Variants in TENM1 observed in about 807,000 individuals in gnomAD.
The protein encoded by TENM1 is teneurin-1.
Under a neutral mutation model 174.8 loss-of-function variants are expected in TENM1, and 35 were observed. That is an observed-to-expected ratio of 0.20 (90% CI 0.15 to 0.27). TENM1 has a LOEUF of 0.27. TENM1 is among the 10% of genes least tolerant of loss of function. The pLI, the probability that TENM1 is intolerant of heterozygous loss-of-function variation, is 1.00. For synonymous variants in TENM1, 781 were observed against 798.7 expected (o/e 0.98, Z 0.37); for missense variants, 1,633 against 2,130.1 (o/e 0.77, Z 4.59).
the TENM1 span, among the ~76,000 whole-genome samples, chrX:124,981,249 C>T: frequency 9.0e-6 from 1 of 111,567 alleles, no homozygotes; most frequent in Non-Finnish European, 1.9e-5. Flanking sequence ...GCAAAAACCC[C>T]GGTTTTATTA....
intron 24 of TENM1, 122 bp downstream of exon 27, chrX:124,422,150 C>T: frequency 1.1e-6 from 1 of 911,992 alleles, no homozygotes; most frequent in Non-Finnish European, 1.5e-6. Context: ...GCTTTCTCCA[C>T]TAGCTCATAC....
the TENM1 span, among the ~76,000 whole-genome samples, chrX:125,093,190 G>T: frequency 8.9e-6 from 1 of 111,877 alleles, no homozygotes; most frequent in Admixed American, 9.5e-5. Context: ...TTAGCTCAGT[G>T]GACCTAGCAC....
intron 23 of TENM1, among the ~76,000 whole-genome samples, chrX:124,444,191 C>A (rs2060940967): frequency 9.0e-6 from 1 of 111,358 alleles, no homozygotes; most frequent in South Asian, 3.7e-4. Context: ...ATAGGCGACA[C>A]AAGGCTGGGA....
At chrX:124,538,569 A>G (rs1183447533) in intron 15 of TENM1, among the ~76,000 whole-genome samples, 2 of 111,659 alleles carry the variant, frequency 1.8e-5, no homozygotes, top group African/African-American at 3.3e-5. Flanking sequence ...ATCAACCCCT[A>G]GTTGTGTACT....
At chrX:125,160,362 G>GA in the TENM1 span, among the ~76,000 whole-genome samples, 2,810 of 85,007 alleles carry the variant, frequency 0.033, 52 homozygotes, top group Middle Eastern at 0.072. Context: ...CATCTCTACT[G>GA]AAAAAAAAAA....
intron 25 of TENM1, among the ~76,000 whole-genome samples, chrX:124,411,052 C>T (rs2060525922): frequency 8.9e-6 from 1 of 112,166 alleles, no homozygotes; most frequent in Admixed American, 9.4e-5. Context: ...GTCAAAATTC[C>T]CAATGAACCT....
the TENM1 span, among the ~76,000 whole-genome samples, chrX:125,153,210 A>G: frequency 8.9e-6 from 1 of 111,920 alleles, no homozygotes; most frequent in East Asian, 2.8e-4. Context: ...ATTCAAAAGC[A>G]ATTTCCAAAA....
the TENM1 span, among the ~76,000 whole-genome samples, chrX:125,063,508 A>G: frequency 1.8e-5 from 2 of 112,104 alleles, no homozygotes; most frequent in Non-Finnish European, 3.8e-5. Context: ...AAGCATATGA[A>G]CAGACACTTC....
intron 27 of TENM1, among the ~76,000 whole-genome samples, chrX:124,397,140 C>T (rs1285526225): frequency 9.0e-6 from 1 of 111,017 alleles, no homozygotes; most frequent in Non-Finnish European, 1.9e-5. Context: ...GTGTTGCTGG[C>T]AGAAATGAAA....
At chrX:124,744,424 G>A (rs914387440) in intron 3 of TENM1, among the ~76,000 whole-genome samples, 1 of 111,778 alleles carries the variant, frequency 8.9e-6, no homozygotes, top group Non-Finnish European at 1.9e-5. Flanking sequence ...ATATTTAAAC[G>A]TTAGTATACG....
At chrX:124,784,138 C>T (rs147228918) in intron 3 of TENM1, among the ~76,000 whole-genome samples, 1 of 112,196 alleles carries the variant, frequency 8.9e-6, no homozygotes. Context: ...ATAACAATCA[C>T]AATGTCCAAA....
the TENM1 span, among the ~76,000 whole-genome samples, chrX:125,178,567 AG>A: frequency 2.4e-3 from 265 of 111,630 alleles, 1 homozygote; most frequent in Non-Finnish European, 3.5e-3. Flanking sequence ...AAGAAGAAAA[AG>A]GTCAATCTGT....
At chrX:124,382,713 A>C in exon 31 of TENM1, 1 of 1,208,324 alleles carries the variant, frequency 8.3e-7, no homozygotes, top group Non-Finnish European at 1.1e-6. Context: ...AAGCCGTAGA[A>C]GCTCGTAAGT....
At chrX:124,633,364 G>A (rs2050804704) in intron 11 of TENM1, among the ~76,000 whole-genome samples, 1 of 111,404 alleles carries the variant, frequency 9.0e-6, no homozygotes, top group Non-Finnish European at 1.9e-5. Context: ...TAGTTTTAAA[G>A]CTTTAATGGT....
chrX:125,024,459 G>A, the TENM1 span, among the ~76,000 whole-genome samples: 1 of 110,482 alleles, frequency 9.1e-6, no homozygotes, highest in Admixed American at 9.7e-5. Flanking sequence ...CAACATGGAC[G>A]GAACTGGATG....
At chrX:124,777,582 A>C (rs1225381268) in intron 3 of TENM1, among the ~76,000 whole-genome samples, 1 of 111,949 alleles carries the variant, frequency 8.9e-6, no homozygotes, top group Non-Finnish European at 1.9e-5. Context: ...TTCATTTTTC[A>C]TTCTCTGAAT....
the TENM1 span, among the ~76,000 whole-genome samples, chrX:125,137,829 T>G: frequency 1.8e-5 from 2 of 111,083 alleles, no homozygotes; most frequent in Non-Finnish European, 3.8e-5. Flanking sequence ...CTCTACACCT[T>G]CCATATATTA....
At chrX:124,931,841 T>C in intron 1 of TENM1, among the ~76,000 whole-genome samples, 1 of 106,771 alleles carries the variant, frequency 9.4e-6, no homozygotes. Context: ...TAGACAGAGA[T>C]TGTAAGGGGA....
At chrX:124,453,004 G>C (rs890851245) in intron 23 of TENM1, among the ~76,000 whole-genome samples, 7 of 110,577 alleles carry the variant, frequency 6.3e-5, no homozygotes, top group Non-Finnish European at 1.1e-4. Flanking sequence ...AGAACTTAAA[G>C]TATAATAAAA....
Sources: gnomAD v4.1 joint callset for allele counts (sites outside exome capture counted in the v4.1 genomes callset) on GRCh38, gnomAD v4.1.1 for gene constraint, MANE v1.5 for transcripts, NCBI Gene and HGNC (gene_info 2026-07-23, HGNC 2026-07-21) for gene names.